TUBGCP4: variants seen among roughly 807,000 people sequenced by gnomAD.
TUBGCP4 encodes gamma-tubulin complex component 4.
A neutral mutation model predicts 91.6 loss-of-function variants in TUBGCP4; 54 were observed. The ratio of observed to expected loss-of-function variants is 0.59; its 90% CI spans 0.47 to 0.74. The LOEUF is 0.74. Among genes scored for constraint, TUBGCP4 ranks in the 30% least tolerant of loss-of-function variants. The probability of loss-of-function intolerance (pLI) is 0.00; values close to 1 mark genes in which losing one functional copy is unlikely to be tolerated. For missense variants in TUBGCP4, 593 were observed against 800.9 expected, an observed-to-expected ratio of 0.74 and a Z score of 3.13; for synonymous variants, 297 against 302.8, an observed-to-expected ratio of 0.98 and a Z score of 0.20.
chr15:43,404,645 A>G (rs1309269571), intron 17 of TUBGCP4, 93 bp downstream of exon 17: 1 of 1,349,778 alleles, frequency 7.4e-7, no homozygotes, highest in Non-Finnish European at 1.0e-6. Context: ...CTTTAGTCCA[A>G]ATACCCTCAT....
At chr15:43,376,403 G>A in intron 2 of TUBGCP4, 100 bp from the exon 3 acceptor site, 1 of 1,609,318 alleles carries the variant, frequency 6.2e-7, no homozygotes, top group Non-Finnish European at 8.5e-7. Context: ...GCCTCTAATT[G>A]GTTTGTTTGT....
intron 11 of TUBGCP4, 24 bp downstream of exon 11, chr15:43,395,712 T>C: frequency 6.4e-7 from 1 of 1,572,182 alleles, no homozygotes; most frequent in Non-Finnish European, 8.8e-7. Flanking sequence ...GCCCTGAGAA[T>C]GATCAACTGA....
chr15:43,387,111 A>G (rs2044388083), intron 9 of TUBGCP4, among the ~76,000 whole-genome samples: 1 of 152,206 alleles, frequency 6.6e-6, no homozygotes, highest in Admixed American at 6.5e-5. Context: ...CAATCATCTT[A>G]TGAGGAAAGC....
chr15:43,385,773 T>C lies in TUBGCP4; in HGVS notation c.724-18T>C. ...TTGCTTCACACTGCATCTCGATGTG[T>C]ACTCTTTCCTTGACTAGCGCCTGAT... is the stretch of plus-strand genomic sequence containing the variant. On this transcript the variant is annotated intron_variant, in intron 7 of 17. Transcript: ENST00000564079. 10 of 1,613,672 alleles carry C rather than the reference T, an allele frequency of 6.2e-6. No homozygotes were observed. The highest frequency in any genetic ancestry group is 8.5e-6 in the Non-Finnish European group (10 of 1,179,716).
Position 43,371,226 on chromosome 15 carries a change from G to C in TUBGCP4, c.-129G>C. On this transcript the variant is annotated 5_prime_UTR_variant, in exon 1 of 18. Transcript: ENST00000564079. ...GCCGCAGCGATTGTCTCGGTGGGTT[G>C]ATTCGGCACAAACCGCCCGACCCAG... The C allele has an allele frequency of 1.1e-6, 1 of 922,424 alleles. No homozygotes were observed. Among genetic ancestry groups the C allele is most frequent in the Non-Finnish European group, 1.7e-6 (1 of 599,056 alleles). The allele number at this position is 922,424 out of a possible 1,614,324, so 57.1% of individuals were successfully genotyped here.
At chr15:43,373,997 CT>C (rs2044165506) in intron 1 of TUBGCP4, among the ~76,000 whole-genome samples, 1 of 152,192 alleles carries the variant, frequency 6.6e-6, no homozygotes, top group Non-Finnish European at 1.5e-5. Flanking sequence ...TCTTAAGTTA[CT>C]AACTTGAAGA....
In TUBGCP4 at chr15:43,405,283, C is replaced by T. The variant is rs1465841189; in HGVS notation, c.*69C>T. The T allele has an allele frequency of 6.5e-7, 1 of 1,536,562 alleles. No individual in the cohort carries two copies. On this transcript the variant is annotated 3_prime_UTR_variant, in exon 18 of 18. Coordinates refer to ENST00000564079, the MANE Select transcript of TUBGCP4 (RefSeq NM_014444.5). ...GTTGTAACAGAAGATTCAAAACATC[C>T]CATTCTAGCCACACACAAATAAATA...
chr15:43,399,220 G>A, intron 13 of TUBGCP4: 2 of 1,101,790 alleles, frequency 1.8e-6, no homozygotes, highest in Non-Finnish European at 2.3e-6. Context: ...CTTCCCGTGT[G>A]TCTTTTAAGT....
rs375913258 is a variant in TUBGCP4 at position 43,371,338 on chromosome 15, C to T, written c.-17C>T. On this transcript the variant is annotated 5_prime_UTR_variant, in exon 1 of 18. Transcript: ENST00000564079. ...GGAGGGGGTGACATAACCAGGGACT[C>T]GAGGTCCGCCGTGGGAATGATCCAC... 31 of 1,612,594 alleles carry T rather than the reference C, an allele frequency of 1.9e-5. No homozygotes were observed. In the African/African-American group the frequency reaches 3.9e-4, roughly 20 times the overall value.
chr15:43,405,224 G>T lies in TUBGCP4; in HGVS notation c.*10G>T. 6.2e-7 allele frequency: 1 copy of T among 1,613,988 alleles called. No homozygotes were observed. Among genetic ancestry groups the T allele is most frequent in the Non-Finnish European group, 8.5e-7 (1 of 1,179,954 alleles). Reference sequence around the variant, plus strand: ...TAGTTTCGGGATGTGAAAATTTCTGGCTCATAAATTGAAATAACAGCCACG... The same window carrying T: ...TAGTTTCGGGATGTGAAAATTTCTGTCTCATAAATTGAAATAACAGCCACG... On this transcript the variant is annotated 3_prime_UTR_variant, in exon 18 of 18. Coordinates refer to ENST00000564079, the MANE Select transcript of TUBGCP4 (RefSeq NM_014444.5).
chr15:43,407,010 G>C lies in TUBGCP4; in HGVS notation c.*1796G>C, dbSNP rs1319838774. On this transcript the variant is annotated 3_prime_UTR_variant, in exon 18 of 18. Transcript: ENST00000564079. ...TGGGCCTTCACCTACCTTAAACTGAGTTTCTGCAAGCATAGCATTTTAGAC... is the reference window on the plus strand; with the variant it reads ...TGGGCCTTCACCTACCTTAAACTGACTTTCTGCAAGCATAGCATTTTAGAC... The C allele has an allele frequency of 4.3e-6, 1 of 235,016 alleles. No homozygotes were observed. The highest frequency in any genetic ancestry group is 1.1e-4 in the East Asian group (1 of 9,274). 14.6% of individuals were successfully genotyped at this position (235,016 alleles called of 1,614,324 possible). A position where few individuals can be genotyped will look rare whatever the true frequency, so the allele number is the denominator to read the frequency against.
At chr15:43,394,083 AT>A (rs34365893) in intron 9 of TUBGCP4, 90,680 of 113,504 alleles carry the variant, frequency 0.8, 35,289 homozygotes, top group East Asian at 0.94. Flanking sequence ...TTTTCTCACT[AT>A]TTTTTTTTTT....
chr15:43,377,740 C>T (rs2044230702), intron 4 of TUBGCP4, 107 bp from the exon 5 acceptor site: 1 of 906,936 alleles, frequency 1.1e-6, no homozygotes, highest in Non-Finnish European at 1.7e-6. Context: ...TGTGGTATTG[C>T]CATTTTATCT....
chr15:43,390,120 C>A (rs1335021971), intron 9 of TUBGCP4, among the ~76,000 whole-genome samples: 4 of 152,054 alleles, frequency 2.6e-5, no homozygotes, highest in African/African-American at 9.7e-5. Context: ...CTGTACCCTT[C>A]TTTTCCTGTA....
chr15:43,379,703 A>G (rs898522515), intron 5 of TUBGCP4, among the ~76,000 whole-genome samples: 2 of 152,070 alleles, frequency 1.3e-5, no homozygotes, highest in Non-Finnish European at 2.9e-5. Flanking sequence ...GAAAAAGTAT[A>G]TACCTTAGAA....
At chr15:43,404,336 C>A in intron 16 of TUBGCP4, 77 bp from the exon 17 acceptor site, 1 of 1,557,018 alleles carries the variant, frequency 6.4e-7, no homozygotes, top group African/African-American at 1.4e-5. Flanking sequence ...CCAAGAAACT[C>A]CTCCCTCCGC....
rs990888803 is a variant in TUBGCP4, at chr15:43,405,134, T to C, written c.1989-68T>C. On this transcript the variant is annotated intron_variant, in intron 17 of 17. Transcript: ENST00000564079. ...TTATTTAGATCACAGGTTATCCTGA[T>C]TCATATTTCTTTGAAGGTAGTCTTG... 240 of 1,556,564 alleles carry C rather than the reference T, an allele frequency of 1.5e-4. 3 individuals are homozygous for C. The Middle Eastern group carries it at 1.8e-3, about 12-fold the overall frequency.
intron 10 of TUBGCP4, 115 bp from the exon 11 acceptor site, chr15:43,395,468 G>A (rs764889364): frequency 2.5e-5 from 21 of 833,116 alleles, no homozygotes; most frequent in Non-Finnish European, 3.8e-5. Context: ...TGTATCTTTT[G>A]TAGCTTGGGC....
chr15:43,372,617 T>C (rs1323683286), intron 1 of TUBGCP4, among the ~76,000 whole-genome samples: 3 of 133,076 alleles, frequency 2.3e-5, no homozygotes, highest in African/African-American at 5.9e-5. Context: ...ACAGGAAAGA[T>C]AGCTAGGGAG....
Sources: allele counts gnomAD v4.1 joint callset (sites outside exome capture counted in the v4.1 genomes callset), GRCh38; gene constraint gnomAD v4.1.1; transcripts MANE v1.5; gene names NCBI Gene and HGNC (gene_info 2026-07-23, HGNC 2026-07-21).